Variants in OTOG observed in about 807,000 individuals in gnomAD.
OTOG encodes otogelin.
Under a neutral mutation model 313.8 loss-of-function variants are expected in OTOG, and 296 were observed. That is an observed-to-expected ratio of 0.94 (90% CI 0.86 to 1.04). The LOEUF (loss-of-function observed/expected upper bound fraction) is 1.04, where lower values mean the gene tolerates loss of function less well. OTOG is among the 50% of genes least tolerant of loss of function. The probability of loss-of-function intolerance (pLI) is 0.00; values close to 1 mark genes in which losing one functional copy is unlikely to be tolerated. For synonymous variants in OTOG, 1,533 were observed against 1,554.9 expected, an observed-to-expected ratio of 0.99 and a Z score of 0.33; for missense variants, 3,948 against 3,840.1, an observed-to-expected ratio of 1.03 and a Z score of -0.74.
rs1403507532 is a variant in OTOG, at chr11:17,640,833, A to T, written c.8011+13A>T. ...AAGTACGAGTGTGGTGAGTGGGGGA[A>T]GCCTCGGGGCAGAGCCATGCAGGAG... On this transcript the variant is annotated intron_variant, in intron 50 of 55. Transcript: ENST00000399397. The T allele has an allele frequency of 6.5e-7, 1 of 1,550,144 alleles. No individual in the cohort carries two copies. Among genetic ancestry groups the T allele is most frequent in the African/African-American group, 1.4e-5 (1 of 73,060 alleles).
In OTOG at chr11:17,593,190, C is replaced by G. The variant is rs1852992168; in HGVS notation, c.3007-3C>G. 6.5e-7 allele frequency: 1 copy of G among 1,549,598 alleles called. No individual in the cohort carries two copies. Among genetic ancestry groups the G allele is most frequent in the Non-Finnish European group, 8.7e-7 (1 of 1,146,338 alleles). ...TTATTGGACTCACTTATTCTCTCCT[C>G]AGAGCACATCAGATGTCAGCTTCTC... is the stretch of plus-strand genomic sequence containing the variant. On this transcript the variant is annotated splice_polypyrimidine_tract_variant and splice_region_variant and intron_variant, in intron 25 of 55. Coordinates refer to ENST00000399397, the MANE Select transcript of OTOG (RefSeq NM_001292063.2).
intron 32 of OTOG, among the ~76,000 whole-genome samples, chr11:17,605,333 T>A (rs1302642037): frequency 6.6e-6 from 1 of 152,188 alleles, no homozygotes; most frequent in African/African-American, 2.4e-5. Flanking sequence ...TCCCTATCTA[T>A]GAGTTGGATG....
At chr11:17,636,285 G>A (rs966167198) in intron 47 of OTOG, among the ~76,000 whole-genome samples, 1 of 152,132 alleles carries the variant, frequency 6.6e-6, no homozygotes, top group Non-Finnish European at 1.5e-5. Context: ...GATATAGAAT[G>A]CACTATGTAC....
At chr11:17,548,345 G>T (rs766481405) in intron 3 of OTOG, 133 bp downstream of exon 3, 2 of 634,096 alleles carry the variant, frequency 3.2e-6, no homozygotes, top group Non-Finnish European at 5.1e-6. Flanking sequence ...CAGATTCCTG[G>T]TATGTGTCTG....
chr11:17,594,274 CT>C, intron 28 of OTOG, 108 bp downstream of exon 28: 2 of 1,368,014 alleles, frequency 1.5e-6, no homozygotes, highest in South Asian at 1.3e-5. Flanking sequence ...GAGGTTTCTC[CT>C]GCAATGTTCT....
At position 17,565,807 on chromosome 11, in the gene OTOG, C is replaced by T. The variant is rs181850930; in HGVS notation, c.1645-3349C>T. 5.4e-4 allele frequency among the ~76,000 whole-genome samples: 82 copies of T among 152,124 alleles called. No individual in the cohort carries two copies. The South Asian group carries it at 0.014, about 26-fold the overall frequency. ...TCCCTTTGACATACCTTCATTATTG[C>T]GTGTGTATATGCTAGTGGTGGTGGG... On this transcript the variant is annotated intron_variant, in intron 15 of 55. Coordinates refer to ENST00000399397, the MANE Select transcript of OTOG (RefSeq NM_001292063.2).
rs952419287 is a variant in OTOG at position 17,569,262 on chromosome 11, A to G, written c.1751A>G (p.Tyr584Cys). Residue 584 changes from tyrosine to cysteine, a missense_variant, in exon 16 of 56, where the codon TAC becomes TGC. Coordinates refer to ENST00000399397, the MANE Select transcript of OTOG (RefSeq NM_001292063.2). ...GGGGATGTCCTTCTGTTTGACCAGT[A>G]CAAGATCATCCCGCCATACACAGAT... The part of the protein sequence containing the change: ...QAGDVLLFDQ[Y>C]KIIPPYTDDA... 1.3e-6 allele frequency: 2 copies of G among 1,550,532 alleles called. No individual in the cohort carries two copies. Among genetic ancestry groups the G allele is most frequent in the Non-Finnish European group, 1.7e-6 (2 of 1,146,982 alleles).
rs145194328 is a variant in OTOG, at chr11:17,558,929, C to T, written c.1104-123C>T. Reference sequence around the variant, plus strand: ...CTGTTCACCTAGATGCCTTCCTGGGCAGCCTTTCCCAGCTGGGTGGAGAGG... The same window carrying T: ...CTGTTCACCTAGATGCCTTCCTGGGTAGCCTTTCCCAGCTGGGTGGAGAGG... On this transcript the variant is annotated intron_variant, in intron 10 of 55. Coordinates refer to ENST00000399397, the MANE Select transcript of OTOG (RefSeq NM_001292063.2). 70 of 824,186 alleles carry T rather than the reference C, an allele frequency of 8.5e-5. No homozygotes were observed. The East Asian group carries it at 1.7e-3, about 20-fold the overall frequency. The allele number at this position is 824,186 out of a possible 1,614,324, so 51.1% of individuals were successfully genotyped here. A position where few individuals can be genotyped will look rare whatever the true frequency, so the allele number is the denominator to read the frequency against.
Position 17,596,010 on chromosome 11 carries a change from G to A in OTOG, c.3409-28G>A, listed in dbSNP as rs1194212288. 6.7e-6 allele frequency: 10 copies of A among 1,489,418 alleles called. No individual in the cohort carries two copies. The Admixed American group carries it at 1.6e-4, about 23-fold the overall frequency. The allele number at this position is 1,489,418 out of a possible 1,614,324, so 92.3% of individuals were successfully genotyped here. ...GCAACAGGCATTTGGCAAGTAGGGA[G>A]GTCAACAGCCCTGCCTTTGCCCCTC... On this transcript the variant is annotated intron_variant, in intron 28 of 55. Transcript: ENST00000399397.
rs11024350 is a variant in OTOG at position 17,635,139 on chromosome 11, C to T, written c.7645C>T (p.Leu2549=). 0.13 allele frequency: 201,416 copies of T among 1,548,856 alleles called. 13,799 individuals carry two copies. The highest frequency in any genetic ancestry group is 0.22 in the East Asian group (8,820 of 40,870). ...LVPSCRQDQI[L]ITGRLGDSCC... ...CCCCAGCTGCCGACAGGACCAGATC[C>T]TGATCACGGGCCGCCTGGGGGACTC... The change falls in exon 46 of 56, where the codon CTG becomes TTG. Residue 2549 remains leucine (L), a synonymous_variant. Coordinates refer to ENST00000399397, the MANE Select transcript of OTOG (RefSeq NM_001292063.2).
chr11:17,549,051 T>G (rs1851874814), intron 3 of OTOG, among the ~76,000 whole-genome samples: 1 of 152,176 alleles, frequency 6.6e-6, no homozygotes, highest in African/African-American at 2.4e-5. Flanking sequence ...CCACTGCCCA[T>G]CTTCCCACGG....
At chr11:17,597,433 C>T (rs1388629055) in intron 30 of OTOG, among the ~76,000 whole-genome samples, 1 of 152,172 alleles carries the variant, frequency 6.6e-6, no homozygotes, top group Non-Finnish European at 1.5e-5. Flanking sequence ...GACCTGCCCC[C>T]AAGGTTGACT....
rs1011178839 is a variant in OTOG at position 17,610,454 on chromosome 11, G to A, written c.5154G>A (p.Glu1718=). Reference sequence around the variant, plus strand: ...GTCCCCTTGCAACCAGGAGCTTGGAGATAGTGCTATCCACAGAGAAGGGCG... The same window carrying A: ...GTCCCCTTGCAACCAGGAGCTTGGAAATAGTGCTATCCACAGAGAAGGGCG... ...PVSPLATRSL[E]IVLSTEKGEA... is the part of the protein sequence containing the mutation. The change falls in exon 36 of 56, where the codon GAG becomes GAA. Residue 1718 remains glutamate (E), a synonymous_variant. Transcript: ENST00000399397. 1 of 1,550,618 alleles carries A rather than the reference G, an allele frequency of 6.4e-7. No homozygotes were observed. The highest frequency in any genetic ancestry group is 1.4e-5 in the African/African-American group (1 of 73,172).
intron 5 of OTOG, 69 bp from the exon 6 acceptor site, chr11:17,553,296 G>A: frequency 1.3e-6 from 2 of 1,512,220 alleles, no homozygotes. Context: ...TTCCAGGGCT[G>A]GAACCCACCA....
chr11:17,558,473 G>T, intron 9 of OTOG, 65 bp from the exon 10 acceptor site: 2 of 1,537,538 alleles, frequency 1.3e-6, no homozygotes, highest in Non-Finnish European at 1.8e-6. Flanking sequence ...TCAAGTTGGG[G>T]TTCTGTGTGG....
chr11:17,609,731 T>G lies in OTOG; in HGVS notation c.4431T>G (p.Thr1477=). The part of the protein sequence containing the change: ...ETLPPSQGLP[T]PSDEEPQLSQ... ...TCCCTCCCAGTCAAGGGTTGCCCAC[T>G]CCCAGTGATGAGGAGCCACAGCTGT... The change falls in exon 36 of 56, where the codon ACT becomes ACG. Residue 1477 remains threonine (T), a synonymous_variant. Transcript: ENST00000399397. 2 of 1,545,780 alleles carry G rather than the reference T, an allele frequency of 1.3e-6. No individual in the cohort carries two copies. Among genetic ancestry groups the G allele is most frequent in the Non-Finnish European group, 1.7e-6 (2 of 1,144,656 alleles).
chr11:17,606,454 C>T (rs904000376), intron 33 of OTOG, among the ~76,000 whole-genome samples: 1 of 152,238 alleles, frequency 6.6e-6, no homozygotes, highest in African/African-American at 2.4e-5. Context: ...CTGCAACATG[C>T]GTAGCCGCTG....
rs1853954551 is a variant in OTOG at position 17,625,176 on chromosome 11, AG to A, written c.6529-3955del. ...TTTCTCTTGCCTGATTGCTCTGGCCAGGACTTCCAATACTATGTTGAATAGG... is the reference window on the plus strand; with the variant it reads ...TTTCTCTTGCCTGATTGCTCTGGCCAGACTTCCAATACTATGTTGAATAGG... On this transcript the variant is annotated intron_variant, in intron 39 of 55. Transcript: ENST00000399397. Among the ~76,000 whole-genome samples, 3 of 152,188 alleles carry A rather than the reference AG, an allele frequency of 2.0e-5. No homozygotes were observed. The South Asian group carries it at 6.2e-4, about 32-fold the overall frequency.
chr11:17,635,022 G>T, intron 45 of OTOG, 58 bp from the exon 46 acceptor site: 1 of 1,533,690 alleles, frequency 6.5e-7, no homozygotes, highest in Non-Finnish European at 8.8e-7. Context: ...GGGGGCAGGG[G>T]CCCAGGGGTG....
Sources: gnomAD v4.1 joint callset for allele counts (sites outside exome capture counted in the v4.1 genomes callset) on GRCh38, gnomAD v4.1.1 for gene constraint, MANE v1.5 for transcripts, NCBI Gene and HGNC (gene_info 2026-07-23, HGNC 2026-07-21) for gene names.